Variants in TENM3 observed in about 807,000 individuals in gnomAD.
TENM3 encodes the protein teneurin transmembrane protein 3, also known as teneurin-3.
Under a neutral mutation model 255.1 loss-of-function variants are expected in TENM3, and 63 were observed. The ratio of observed to expected loss-of-function variants is 0.25; its 90% CI spans 0.20 to 0.30. TENM3 has a LOEUF of 0.30. TENM3 is among the 10% of genes least tolerant of loss of function. The probability of loss-of-function intolerance (pLI) is 1.00; values close to 1 mark genes in which losing one functional copy is unlikely to be tolerated. For synonymous variants in TENM3, 1,306 were observed against 1,322.3 expected (o/e 0.99, Z 0.27); for missense variants, 2,929 against 3,461.1 (o/e 0.85, Z 3.86).
chr4:181,597,710 C>T, the TENM3 span, among the ~76,000 whole-genome samples: 3 of 152,082 alleles, frequency 2.0e-5, no homozygotes, highest in African/African-American at 7.2e-5. Flanking sequence ...TTGAAACACA[C>T]TGGGAAGAGC....
At chr4:182,066,657 T>C in the TENM3 span, among the ~76,000 whole-genome samples, 13 of 150,814 alleles carry the variant, frequency 8.6e-5, no homozygotes, top group Admixed American at 7.9e-4. Context: ...ATGCCTATAA[T>C]CCCAGCACTT....
At chr4:182,329,812 A>T (rs1763637026) in intron 2 of TENM3, among the ~76,000 whole-genome samples, 1 of 152,186 alleles carries the variant, frequency 6.6e-6, no homozygotes, top group South Asian at 2.1e-4. Flanking sequence ...GGTTTTGAAG[A>T]CCAGGTAGAA....
chr4:182,647,761 A>G (rs1482010827), intron 5 of TENM3, among the ~76,000 whole-genome samples: 2 of 152,194 alleles, frequency 1.3e-5, no homozygotes, highest in Admixed American at 1.3e-4. Flanking sequence ...TTGCTGGATC[A>G]TATGGTATTT....
the TENM3 span, among the ~76,000 whole-genome samples, chr4:181,687,260 A>G: frequency 2.0e-5 from 3 of 152,180 alleles, no homozygotes; most frequent in Non-Finnish European, 4.4e-5. Context: ...ACTATTATTT[A>G]GTGGTTATTT....
At chr4:182,702,662 A>G (rs540684465) in intron 12 of TENM3, among the ~76,000 whole-genome samples, 3 of 152,280 alleles carry the variant, frequency 2.0e-5, no homozygotes. Context: ...AAGGTTATGT[A>G]AGTTTTCTGT....
the TENM3 span, among the ~76,000 whole-genome samples, chr4:182,076,395 G>T: frequency 4.0e-5 from 6 of 151,866 alleles, no homozygotes; most frequent in African/African-American, 1.2e-4. Context: ...GTAGAGACGG[G>T]GTTTCACCAT....
At chr4:181,857,607 C>T in the TENM3 span, among the ~76,000 whole-genome samples, 3 of 137,082 alleles carry the variant, frequency 2.2e-5, no homozygotes, top group Non-Finnish European at 4.6e-5. Flanking sequence ...AAAACAAACA[C>T]ATTAGCCAGG....
At chr4:182,597,848 C>A (rs972817625) in intron 3 of TENM3, among the ~76,000 whole-genome samples, 1 of 152,118 alleles carries the variant, frequency 6.6e-6, no homozygotes, top group African/African-American at 2.4e-5. Flanking sequence ...ACTGAATCCC[C>A]GGATTTTGCT....
chr4:182,359,894 G>A (rs1411476228), intron 3 of TENM3, among the ~76,000 whole-genome samples: 2 of 149,704 alleles, frequency 1.3e-5, no homozygotes, highest in African/African-American at 4.9e-5. Flanking sequence ...TGCTTTGAAT[G>A]CGTCCCAGAG....
At chr4:181,571,995 A>G in the TENM3 span, among the ~76,000 whole-genome samples, 4 of 152,336 alleles carry the variant, frequency 2.6e-5, no homozygotes, top group East Asian at 5.8e-4. Flanking sequence ...TGGCTCAAAT[A>G]AGAAGCAGGC....
At chr4:181,496,053 G>C in the TENM3 span, among the ~76,000 whole-genome samples, 1 of 152,026 alleles carries the variant, frequency 6.6e-6, no homozygotes, top group Non-Finnish European at 1.5e-5. Flanking sequence ...CAAATGACCA[G>C]AAAATGACAA....
intron 1 of TENM3, among the ~76,000 whole-genome samples, chr4:182,169,074 TAC>T (rs55885166): frequency 0.075 from 10,268 of 137,686 alleles, 438 homozygotes; most frequent in Middle Eastern, 0.14. Context: ...AATCATGCCA[TAC>T]ACACACACAC....
At chr4:181,646,200 C>A in the TENM3 span, among the ~76,000 whole-genome samples, 1 of 152,210 alleles carries the variant, frequency 6.6e-6, no homozygotes, top group African/African-American at 2.4e-5. Context: ...GATACACGAG[C>A]AATTATGTGA....
intron 3 of TENM3, among the ~76,000 whole-genome samples, chr4:182,490,564 A>G (rs898775045): frequency 3.3e-5 from 5 of 152,152 alleles, no homozygotes; most frequent in African/African-American, 1.2e-4. Context: ...AGGGGAAAAA[A>G]TGGTTATAAT....
chr4:182,427,137 T>C (rs1771280198), intron 3 of TENM3, among the ~76,000 whole-genome samples: 1 of 152,082 alleles, frequency 6.6e-6, no homozygotes, highest in Admixed American at 6.6e-5. Flanking sequence ...ACATTATTAC[T>C]TTTTTTTCAC....
At chr4:182,328,322 T>C (rs1000764468) in intron 2 of TENM3, among the ~76,000 whole-genome samples, 1 of 152,014 alleles carries the variant, frequency 6.6e-6, no homozygotes, top group Non-Finnish European at 1.5e-5. Context: ...TTCAAGCAAT[T>C]TTCCTGCCTC....
the TENM3 span, among the ~76,000 whole-genome samples, chr4:181,724,961 C>T: frequency 6.6e-6 from 1 of 152,156 alleles, no homozygotes; most frequent in South Asian, 2.1e-4. Flanking sequence ...TCTCAGCATT[C>T]AATATATACC....
intron 1 of TENM3, among the ~76,000 whole-genome samples, chr4:182,173,952 C>T (rs1752273750): frequency 1.3e-5 from 2 of 152,008 alleles, no homozygotes; most frequent in South Asian, 4.1e-4. Flanking sequence ...TGGATTGCTT[C>T]TTTGGTGGTA....
the TENM3 span, among the ~76,000 whole-genome samples, chr4:181,950,981 G>C: frequency 1.3e-5 from 2 of 152,156 alleles, no homozygotes; most frequent in African/African-American, 4.8e-5. Context: ...GGTGGAAGCT[G>C]CAGTGAGCCA....
Sources: gnomAD v4.1 joint callset for allele counts (sites outside exome capture counted in the v4.1 genomes callset) on GRCh38, gnomAD v4.1.1 for gene constraint, MANE v1.5 for transcripts, NCBI Gene and HGNC (gene_info 2026-07-23, HGNC 2026-07-21) for gene names.